Variants in ANK1 observed in about 807,000 individuals in gnomAD.
The protein encoded by ANK1 is ankyrin 1.
ANK1 carries 51 observed loss-of-function variants against 210.4 expected under a neutral mutation model. That is an observed-to-expected ratio of 0.24 (90% CI 0.19 to 0.31). The LOEUF (loss-of-function observed/expected upper bound fraction) is 0.31, where lower values mean the gene tolerates loss of function less well. Ranked by LOEUF, ANK1 falls within the 10% of genes least tolerant of loss-of-function variation. The probability of loss-of-function intolerance (pLI) is 1.00; values close to 1 mark genes in which losing one functional copy is unlikely to be tolerated. For missense variants in ANK1, 2,051 were observed against 2,504.4 expected (o/e 0.82, Z 3.86); for synonymous variants, 967 against 1,025.9 (o/e 0.94, Z 1.10).
chr8:41,658,624 G>T (rs1806597640), intron 42 of ANK1, among the ~76,000 whole-genome samples: 1 of 152,214 alleles, frequency 6.6e-6, no homozygotes, highest in Non-Finnish European at 1.5e-5. Flanking sequence ...TGTGCACAGT[G>T]GCTCATGCCT....
intron 1 of ANK1, among the ~76,000 whole-genome samples, chr8:41,817,927 G>C (rs1266577886): frequency 1.3e-5 from 2 of 152,210 alleles, no homozygotes; most frequent in Non-Finnish European, 2.9e-5. Flanking sequence ...CGATGCTCCT[G>C]AGAAGTGGCA....
intron 1 of ANK1, among the ~76,000 whole-genome samples, chr8:41,844,171 C>G (rs1210061531): frequency 6.6e-6 from 1 of 152,222 alleles, no homozygotes; most frequent in African/African-American, 2.4e-5. Context: ...CTTCACCTGG[C>G]CTGTCCCTGC....
intron 39 of ANK1, chr8:41,665,012 G>T: frequency 1.2e-6 from 2 of 1,613,840 alleles, no homozygotes; most frequent in Non-Finnish European, 8.5e-7. Context: ...GCTGGGTGAC[G>T]AAAGTCCACA....
At chr8:41,657,387 T>A (rs1169640524) in intron 42 of ANK1, among the ~76,000 whole-genome samples, 5 of 152,028 alleles carry the variant, frequency 3.3e-5, no homozygotes, top group Admixed American at 3.3e-4. Context: ...ATTAGAGAGG[T>A]GTGATGTTTA....
At chr8:41,700,504 G>A in intron 22 of ANK1, 2 of 1,579,696 alleles carry the variant, frequency 1.3e-6, no homozygotes, top group Non-Finnish European at 1.7e-6. Flanking sequence ...ATTGAAGGCA[G>A]TTAAAGCGAG....
intron 17 of ANK1, 128 bp from the exon 18 acceptor site, chr8:41,706,369 A>C: frequency 2.4e-6 from 2 of 849,378 alleles, no homozygotes; most frequent in Non-Finnish European, 3.8e-6. Context: ...CTCCAGGCAA[A>C]GCTCTTCCTG....
chr8:41,849,645 C>T (rs183183819), intron 1 of ANK1, among the ~76,000 whole-genome samples: 66 of 152,328 alleles, frequency 4.3e-4, no homozygotes, highest in Admixed American at 1.8e-3. Flanking sequence ...ATCCCACCGC[C>T]GCGCAGGGAA....
At chr8:41,750,909 A>G (rs1837550928) in intron 2 of ANK1, among the ~76,000 whole-genome samples, 1 of 152,302 alleles carries the variant, frequency 6.6e-6, no homozygotes, top group Admixed American at 6.5e-5. Context: ...GCTATCAGGA[A>G]GGCCAAATGA....
At chr8:41,797,887 C>T (rs555869388), upstream of ANK1, among the ~76,000 whole-genome samples, 9 of 152,006 alleles carry the variant, frequency 5.9e-5, no homozygotes, top group South Asian at 1.7e-3. The surrounding 1 kb of genome is among the most constrained non-coding windows in gnomAD (Gnocchi z 4.0). Context: ...AGGCCACACG[C>T]TGAGAGGGTA....
intron 42 of ANK1, among the ~76,000 whole-genome samples, chr8:41,659,422 G>A (rs146921574): frequency 1.7e-3 from 258 of 152,342 alleles, no homozygotes; most frequent in African/African-American, 5.3e-3. Flanking sequence ...GTCCATGAAT[G>A]AGCCAAAGCA....
At chr8:41,866,746 C>T (rs746586407) in intron 1 of ANK1, among the ~76,000 whole-genome samples, 4 of 152,228 alleles carry the variant, frequency 2.6e-5, no homozygotes, top group Non-Finnish European at 5.9e-5. Context: ...CTCAGCACAT[C>T]GTCCTCAAGG....
Position 41,708,869 on chromosome 8 carries a change from A to G in ANK1, c.1907T>C (p.Val636Ala). 1 of 1,614,070 alleles carries G rather than the reference A, an allele frequency of 6.2e-7. No homozygotes were observed. The highest frequency in any genetic ancestry group is 8.5e-7 in the Non-Finnish European group (1 of 1,180,034). The change falls in exon 17 of 43, where the codon GTG becomes GCG. Residue 636 changes from valine (V) to alanine (A), a missense_variant. Val to Ala is a moderately conservative substitution (Grantham distance 64). Transcript: ENST00000289734. ...CTGGGCGGCCAGGTGAAGGGGCGTC[A>G]CACCTTGCACCGACTCGGCGTTTGC... ...GSANAESVQG[V>A]TPLHLAAQEG...
intron 2 of ANK1, 114 bp downstream of exon 2, chr8:41,757,922 G>T (rs974546506): frequency 2.1e-6 from 2 of 966,020 alleles, no homozygotes; most frequent in African/African-American, 3.2e-5. Flanking sequence ...AGCCCTGGGG[G>T]AGTTTTGAGG....
chr8:41,888,111 C>T (rs546863420), intron 1 of ANK1, among the ~76,000 whole-genome samples: 1 of 152,354 alleles, frequency 6.6e-6, no homozygotes, highest in South Asian at 2.1e-4. Flanking sequence ...CCCGCAGCTG[C>T]CCCTGCTATC....
intron 1 of ANK1, among the ~76,000 whole-genome samples, chr8:41,807,579 T>G (rs985269968): frequency 1.3e-5 from 2 of 151,892 alleles, no homozygotes; most frequent in African/African-American, 4.8e-5. Context: ...GAGGGGGTGG[T>G]GTACTAGATG....
chr8:41,852,296 C>T (rs1481551691), intron 1 of ANK1, among the ~76,000 whole-genome samples: 1 of 152,224 alleles, frequency 6.6e-6, no homozygotes, highest in Non-Finnish European at 1.5e-5. Flanking sequence ...GCCTGGCCCG[C>T]CCTAAGACGT....
chr8:41,785,170 C>A (rs1402618197), intron 1 of ANK1, among the ~76,000 whole-genome samples: 1 of 152,108 alleles, frequency 6.6e-6, no homozygotes, highest in Non-Finnish European at 1.5e-5. Flanking sequence ...CCAGCCTGGG[C>A]AACACATCAA....
intron 1 of ANK1, among the ~76,000 whole-genome samples, chr8:41,787,818 GAAGA>G (rs1043801180): frequency 1.2e-4 from 18 of 151,932 alleles, no homozygotes; most frequent in African/African-American, 4.4e-4. Flanking sequence ...TCAAAAGGAA[GAAGA>G]AAGAAGGCAG....
chr8:41,837,628 T>C (rs575417134), intron 1 of ANK1, among the ~76,000 whole-genome samples: 1 of 152,274 alleles, frequency 6.6e-6, no homozygotes, highest in South Asian at 2.1e-4. Flanking sequence ...TCCCAGCACT[T>C]TGGGAGGCTG....
Sources: allele counts gnomAD v4.1 joint callset (sites outside exome capture counted in the v4.1 genomes callset), GRCh38; gene constraint gnomAD v4.1.1; non-coding constraint Gnocchi (gnomAD v3.1); transcripts MANE v1.5; gene names NCBI Gene and HGNC (gene_info 2026-07-23, HGNC 2026-07-21).